MYH2: variants seen among roughly 807,000 people sequenced by gnomAD.
MYH2 encodes myosin-2.
Under a neutral mutation model 228.1 loss-of-function variants are expected in MYH2, and 139 were observed. That is an observed-to-expected ratio of 0.61 (90% CI 0.53 to 0.70). The LOEUF is 0.70. Ranked by LOEUF, MYH2 falls within the 30% of genes least tolerant of loss-of-function variation. The pLI, the probability that MYH2 is intolerant of heterozygous loss-of-function variation, is 0.00. For synonymous variants in MYH2, 796 were observed against 871.1 expected, an observed-to-expected ratio of 0.91 and a Z score of 1.52; for missense variants, 1,809 against 2,357.5, an observed-to-expected ratio of 0.77 and a Z score of 4.82.
intron 19 of MYH2, among the ~76,000 whole-genome samples, chr17:10,534,338 A>G (rs2073458123): frequency 6.6e-6 from 1 of 152,240 alleles, no homozygotes. Flanking sequence ...CTATGTTTGT[A>G]TGGAAGAGTT....
At position 10,529,413 on chromosome 17, in the gene MYH2, C is replaced by T. The variant is rs2073396906; in HGVS notation, c.3186G>A (p.Glu1062=). 1 of 1,614,206 alleles carries T rather than the reference C, an allele frequency of 6.2e-7. No homozygotes were observed. Among genetic ancestry groups the T allele is most frequent in the Admixed American group, 1.7e-5 (1 of 60,030 alleles). Reference sequence around the variant, plus strand: ...ATTCTTGGGCCAACTTCAAGTCACCCTCAAGTTTCCTCTTAGCCCTTTCTA... The same window carrying T: ...ATTCTTGGGCCAACTTCAAGTCACCTTCAAGTTTCCTCTTAGCCCTTTCTA... ...MDLERAKRKL[E]GDLKLAQESI... is the part of the protein sequence containing the mutation. The change falls in exon 25 of 40, where the codon GAG becomes GAA. Residue 1062 remains glutamate (E), a synonymous_variant. Coordinates refer to ENST00000245503, the MANE Select transcript of MYH2 (RefSeq NM_017534.6).
rs750480397 is a variant in MYH2 at position 10,529,874 on chromosome 17, T to G, written c.2898A>C (p.Thr966=). 1.9e-6 allele frequency: 3 copies of G among 1,613,830 alleles called. No homozygotes were observed. In the South Asian group the frequency reaches 3.3e-5, roughly 18 times the overall value. The change falls in exon 23 of 40, where the codon ACA becomes ACC. Residue 966 remains threonine (T), a synonymous_variant. Coordinates refer to ENST00000245503, the MANE Select transcript of MYH2 (RefSeq NM_017534.6). ...GTTTCTCCTTCTCAACCTTGGCCAGTGTCAGCTCAAGGTCATCAATGTCTT... is the reference window on the plus strand; with the variant it reads ...GTTTCTCCTTCTCAACCTTGGCCAGGGTCAGCTCAAGGTCATCAATGTCTT... ...LKKDIDDLEL[T]LAKVEKEKHA...
Position 10,545,361 on chromosome 17 carries a change from G to A in MYH2, c.490C>T (p.Gln164Ter). ...HIFSISDNAY[Q>*]FMLTDRENQS... Reference sequence around the variant, plus strand: ...GCTCACTCACCAGTCAGCATGAACTGATAGGCGTTGTCAGAGATGGAGAAG... The same window carrying A: ...GCTCACTCACCAGTCAGCATGAACTAATAGGCGTTGTCAGAGATGGAGAAG... The change falls in exon 5 of 40, where the codon CAG becomes TAG. Residue 164 changes from glutamine to a stop codon, truncating the protein, a stop_gained. Transcript: ENST00000245503. LOFTEE classifies it high-confidence loss of function. 1 of 1,613,732 alleles carries A rather than the reference G, an allele frequency of 6.2e-7. No homozygotes were observed. Among genetic ancestry groups the A allele is most frequent in the Non-Finnish European group, 8.5e-7 (1 of 1,179,920 alleles).
At chr17:10,540,371 A>T (rs895261381) in intron 11 of MYH2, among the ~76,000 whole-genome samples, 1 of 145,804 alleles carries the variant, frequency 6.9e-6, no homozygotes. Context: ...AAAAAAAAAA[A>T]ATAGTTTAGA....
intron 11 of MYH2, 37 bp downstream of exon 11, chr17:10,540,557 C>A: frequency 6.7e-7 from 1 of 1,498,522 alleles, no homozygotes; most frequent in South Asian, 1.1e-5. Flanking sequence ...TACTCTGACC[C>A]ACCATAATAA....
intron 21 of MYH2, among the ~76,000 whole-genome samples, chr17:10,532,574 G>T (rs2073437703): frequency 6.6e-6 from 1 of 151,940 alleles, no homozygotes. Flanking sequence ...GAAAATATTA[G>T]CATAATTACA....
chr17:10,522,705 A>G (rs1377147073), intron 39 of MYH2, among the ~76,000 whole-genome samples: 1 of 152,080 alleles, frequency 6.6e-6, no homozygotes, highest in Non-Finnish European at 1.5e-5. Flanking sequence ...TTGTGATTTT[A>G]CTTATAATTA....
intron 21 of MYH2, among the ~76,000 whole-genome samples, chr17:10,532,548 A>G (rs1245315296): frequency 1.3e-5 from 2 of 152,214 alleles, no homozygotes; most frequent in East Asian, 1.9e-4. Flanking sequence ...TATTTTTAAT[A>G]AAATGGAATA....
chr17:10,540,722 A>T, intron 10 of MYH2, 25 bp from the exon 11 acceptor site: 3 of 1,523,992 alleles, frequency 2.0e-6, no homozygotes, highest in Non-Finnish European at 2.7e-6. Context: ...CAGAACAAAG[A>T]TAAACATAAT....
At position 10,547,634 on chromosome 17, in the gene MYH2, GAT is replaced by G; in HGVS notation, c.205-18_205-17del. On this transcript the variant is annotated splice_polypyrimidine_tract_variant and intron_variant, in intron 3 of 39. Coordinates refer to ENST00000245503, the MANE Select transcript of MYH2 (RefSeq NM_017534.6). Reference sequence around the variant, plus strand: ...CTGTCAGAGTCTGGTAAACAGGAAAGATAACCGTTTACATTAATTGAGTGACC... The same window carrying G: ...CTGTCAGAGTCTGGTAAACAGGAAAGAACCGTTTACATTAATTGAGTGACC... 3 of 1,614,194 alleles carry G rather than the reference GAT, an allele frequency of 1.9e-6. No individual in the cohort carries two copies. The highest frequency in any genetic ancestry group is 2.5e-6 in the Non-Finnish European group (3 of 1,180,028).
chr17:10,536,626 A>G lies in MYH2; in HGVS notation c.1898-20T>C, dbSNP rs1309703918. 1 of 1,606,854 alleles carries G rather than the reference A, an allele frequency of 6.2e-7. No individual in the cohort carries two copies. The highest frequency in any genetic ancestry group is 8.5e-7 in the Non-Finnish European group (1 of 1,174,314). On this transcript the variant is annotated intron_variant, in intron 16 of 39. Transcript: ENST00000245503. ...CTCCCTCTGAAGAAAAAGGAAGAAA[A>G]GAAATACTGTTTTGAATTGGCAGGG...
chr17:10,536,595 C>T lies in MYH2; in HGVS notation c.1909G>A (p.Gly637Arg). 1 of 1,613,692 alleles carries T rather than the reference C, an allele frequency of 6.2e-7. No individual in the cohort carries two copies. The highest frequency in any genetic ancestry group is 8.5e-7 in the Non-Finnish European group (1 of 1,179,744). Reference sequence around the variant, plus strand: ...TTCTTACCACCTTTCTTGGCCCCTCCACCAGCTCCCTCTGAAGAAAAAGGA... The same window carrying T: ...TTCTTACCACCTTTCTTGGCCCCTCTACCAGCTCCCTCTGAAGAAAAAGGA... ...AQTAEGEGAGGGAKKGGKKKG... is the reference protein window; with the variant it reads ...AQTAEGEGAGRGAKKGGKKKG... Residue 637 changes from glycine to arginine, a missense_variant, in exon 17 of 40, where the codon GGA (glycine) becomes AGA (arginine). Around this residue, in one of 9 missense-constraint regions of MYH2, gnomAD observed 276 missense variants for 344.2 expected, o/e 0.80. Transcript: ENST00000245503.
Position 10,540,607 on chromosome 17 carries a change from A to G in MYH2, c.995T>C (p.Leu332Pro). ...SVASIDDQEELMATDSAIDIL... is the reference protein window; with the variant it reads ...SVASIDDQEEPMATDSAIDIL... ...TGTTCTACTTACATCTGTGGCCATC[A>G]GTTCTTCCTGATCATCGATGCTGGC... Residue 332 changes from leucine to proline, a missense_variant, in exon 11 of 40, where the codon CTG becomes CCG. Transcript: ENST00000245503. The G allele has an allele frequency of 2.5e-6, 4 of 1,610,998 alleles. No individual in the cohort carries two copies. The highest frequency in any genetic ancestry group is 2.5e-6 in the Non-Finnish European group (3 of 1,177,140).
chr17:10,536,683 T>A, intron 16 of MYH2, 77 bp from the exon 17 acceptor site: 1 of 1,371,046 alleles, frequency 7.3e-7, no homozygotes, highest in Non-Finnish European at 1.0e-6. Flanking sequence ...ATTTCTGTGT[T>A]CATCGAGTGG....
At position 10,543,654 on chromosome 17, in the gene MYH2, A is replaced by G. The variant is rs559360086; in HGVS notation, c.741+57T>C. The G allele has an allele frequency of 5.0e-6, 8 of 1,586,104 alleles. No homozygotes were observed. The South Asian group carries it at 8.8e-5, about 18-fold the overall frequency. ...AAAGATTCAGAGAATGTAATTACAA[A>G]CATCTCATAAATTTTGACCAGTGAA... On this transcript the variant is annotated intron_variant, in intron 8 of 39. Coordinates refer to ENST00000245503, the MANE Select transcript of MYH2 (RefSeq NM_017534.6).
rs1395510063 is a variant in MYH2, at chr17:10,529,636, G to T, written c.3045C>A (p.Asp1015Glu). ...TGACTTTGTCCTCCTCTGCCTGCAG[G>T]TCATCCAGGGTCTGCTGGTGGGCCT... is the stretch of plus-strand genomic sequence containing the variant. The part of the protein sequence containing the change: ...LQEAHQQTLD[D>E]LQAEEDKVNT... The change falls in exon 24 of 40, where the codon GAC becomes GAA. Residue 1015 changes from aspartate to glutamate, a missense_variant. This residue lies in a region of MYH2 where 636 missense variants were observed against 729.9 expected (regional missense o/e 0.87). Coordinates refer to ENST00000245503, the MANE Select transcript of MYH2 (RefSeq NM_017534.6). 3.1e-6 allele frequency: 5 copies of T among 1,613,930 alleles called. No individual in the cohort carries two copies. The East Asian group carries it at 8.9e-5, about 29-fold the overall frequency.
At chr17:10,526,132 C>T (rs549733316) in intron 30 of MYH2, among the ~76,000 whole-genome samples, 5 of 152,178 alleles carry the variant, frequency 3.3e-5, no homozygotes, top group East Asian at 1.9e-4. Flanking sequence ...TCAGAACATC[C>T]GTAATAATAC....
At position 10,533,432 on chromosome 17, in the gene MYH2, A is replaced by G. The variant is rs369500791; in HGVS notation, c.2305-11T>C. ...AGCTTTGAAAAAGACCTGTGAATGG[A>G]AAGAGTTGCAAATCACAAGCTTTAA... On this transcript the variant is annotated splice_polypyrimidine_tract_variant and intron_variant, in intron 20 of 39. Transcript: ENST00000245503. The G allele has an allele frequency of 1.2e-6, 2 of 1,614,176 alleles. No homozygotes were observed. Among genetic ancestry groups the G allele is most frequent in the South Asian group, 1.1e-5 (1 of 91,074 alleles).
rs767815198 is a variant in MYH2 at position 10,524,842 on chromosome 17, T to C, written c.4886A>G (p.Asn1629Ser). The C allele has an allele frequency of 6.8e-6, 11 of 1,614,160 alleles. No individual in the cohort carries two copies. Among genetic ancestry groups the C allele is most frequent in the South Asian group, 3.3e-5 (3 of 91,080 alleles). ...RLKKKMEGDL[N>S]EMEIQLNHAN... ...ATGGTTCAGCTGGATTTCCATTTCATTGAGGTCTCCCTCCATCTTCTTCTT... is the reference window on the plus strand; with the variant it reads ...ATGGTTCAGCTGGATTTCCATTTCACTGAGGTCTCCCTCCATCTTCTTCTT... Residue 1629 changes from asparagine (N) to serine (S), a missense_variant, in exon 34 of 40, where the codon AAT (asparagine) becomes AGT (serine). Physicochemically the swap from Asn to Ser is conservative, Grantham distance 46. Coordinates refer to ENST00000245503, the MANE Select transcript of MYH2 (RefSeq NM_017534.6). This position sits in a 1 kb window ranked among gnomAD's most constrained non-coding sequence, Gnocchi z 4.7.
Sources: gnomAD v4.1 joint callset for allele counts (sites outside exome capture counted in the v4.1 genomes callset) on GRCh38, gnomAD v4.1.1 for gene constraint, gnomAD v4.1.1 regional missense constraint, Gnocchi (gnomAD v3.1) non-coding constraint, MANE v1.5 for transcripts, NCBI Gene and HGNC (gene_info 2026-07-23, HGNC 2026-07-21) for gene names.